Variants in MAGI1 observed in about 807,000 individuals in gnomAD.
MAGI1 encodes membrane-associated guanylate kinase, WW and PDZ domain-containing protein 1.
In MAGI1, 58 loss-of-function variants were observed where a neutral mutation model predicts 139.9. The ratio of observed to expected loss-of-function variants is 0.41; its 90% CI spans 0.34 to 0.52. The LOEUF (loss-of-function observed/expected upper bound fraction) is 0.52, where lower values mean the gene tolerates loss of function less well. Among genes scored for constraint, MAGI1 ranks in the 20% least tolerant of loss-of-function variants. The probability of loss-of-function intolerance (pLI) is 0.12; values close to 1 mark genes in which losing one functional copy is unlikely to be tolerated. For synonymous variants in MAGI1, 812 were observed against 737.9 expected (o/e 1.10, Z -1.63); for missense variants, 1,874 against 1,901.6 (o/e 0.99, Z 0.27).
intron 22 of MAGI1, 88 bp from the exon 23 acceptor site, chr3:65,357,220 A>G: frequency 1.5e-6 from 2 of 1,334,862 alleles, no homozygotes; most frequent in South Asian, 2.8e-5. Flanking sequence ...AGACCTCATT[A>G]GTCACAACAA....
intron 1 of MAGI1, among the ~76,000 whole-genome samples, chr3:65,832,089 T>C (rs1257275113): frequency 2.0e-5 from 3 of 152,210 alleles, no homozygotes; most frequent in Non-Finnish European, 4.4e-5. Flanking sequence ...CAACCAGCCC[T>C]CTTTTTCAGA....
intron 1 of MAGI1, among the ~76,000 whole-genome samples, chr3:65,777,200 C>T (rs1426038110): frequency 2.0e-5 from 3 of 152,130 alleles, no homozygotes; most frequent in Admixed American, 2.0e-4. Context: ...AGCAAACATA[C>T]AGATAATGTG....
At chr3:65,865,870 C>T (rs1207212759) in intron 1 of MAGI1, among the ~76,000 whole-genome samples, 1 of 152,122 alleles carries the variant, frequency 6.6e-6, no homozygotes, top group South Asian at 2.1e-4. Context: ...GAACTCCTGA[C>T]CTCAGGTGAT....
chr3:65,498,106 C>G (rs556489760), intron 2 of MAGI1, among the ~76,000 whole-genome samples: 2 of 152,200 alleles, frequency 1.3e-5, no homozygotes, highest in South Asian at 4.2e-4. Context: ...GAATGGCAGG[C>G]TGCTGGCTGG....
chr3:65,975,655 AAAAAT>A (rs1036061872), intron 1 of MAGI1, among the ~76,000 whole-genome samples: 18 of 152,096 alleles, frequency 1.2e-4, no homozygotes, highest in Non-Finnish European at 2.4e-4. Flanking sequence ...GATAAAAATT[AAAAAT>A]AAAATAAAAT....
chr3:65,920,924 G>A (rs1443896555), intron 1 of MAGI1, among the ~76,000 whole-genome samples: 1 of 151,938 alleles, frequency 6.6e-6, no homozygotes, highest in African/African-American at 2.4e-5. Context: ...AGCTACTCAG[G>A]AGGCTGAGGC....
intron 5 of MAGI1, among the ~76,000 whole-genome samples, chr3:65,455,557 CA>C (rs1452936287): frequency 6.6e-6 from 1 of 151,806 alleles, no homozygotes; most frequent in Admixed American, 6.6e-5. Flanking sequence ...CAAAAAAATA[CA>C]AAAAAATTAG....
chr3:65,857,027 G>C (rs1001152642), intron 1 of MAGI1, among the ~76,000 whole-genome samples: 1 of 152,240 alleles, frequency 6.6e-6, no homozygotes, highest in Non-Finnish European at 1.5e-5. Flanking sequence ...CTTGACAGGA[G>C]TTGGCCAGCT....
rs1180962724 is a variant in MAGI1, at chr3:65,778,451, A to AAAAAAAAAAAAAAG, written c.314-156364_314-156363insCTTTTTTTTTTTTT. 6.5e-4 allele frequency among the ~76,000 whole-genome samples: 40 copies of AAAAAAAAAAAAAAG among 61,408 alleles called. 5 individuals carry two copies. The East Asian group carries it at 6.6e-3, about 10-fold the overall frequency. The allele number at this position is 61,408 out of a possible 152,430, so 40.3% of individuals were successfully genotyped here. On this transcript the variant is annotated intron_variant, in intron 1 of 22. Transcript: ENST00000402939. ...GTCTCAAAAAAAAAAAAAATAAATAAATAAGTCTTTTGAGAAATGCAGGAA... is the reference window on the plus strand; with the variant it reads ...GTCTCAAAAAAAAAAAAAATAAATAAAAAAAAAAAAAAAGATAAGTCTTTTGAGAAATGCAGGAA...
intron 1 of MAGI1, among the ~76,000 whole-genome samples, chr3:65,639,347 G>A (rs140216456): frequency 1.7e-3 from 258 of 152,138 alleles, no homozygotes; most frequent in African/African-American, 5.6e-3. Context: ...AATTTTTATG[G>A]TTATTTTTTC....
At chr3:65,907,810 CAG>C (rs2061497526) in intron 1 of MAGI1, 1 of 152,226 alleles carries the variant, frequency 6.6e-6, no homozygotes, top group African/African-American at 2.4e-5. Context: ...GTTCCTGCCT[CAG>C]AGTCTTGGTG....
chr3:65,356,581 C>A lies in MAGI1; in HGVS notation c.4186G>T (p.Ala1396Ser). ...RRRGGSPERR[A>S]KSTDRRRARS... The stretch of plus-strand genomic sequence containing the variant: ...GCGCGCCTCCGGTCGGTGGACTTGG[C>A]CCTGCGCTCGGGCGAGCCCCCTCTC... Residue 1396 changes from alanine to serine, a missense_variant, in exon 23 of 23, where the codon GCC (alanine) becomes TCC (serine). Ala to Ser is a moderately conservative substitution (Grantham distance 99). Coordinates refer to ENST00000402939, the MANE Select transcript of MAGI1 (RefSeq NM_001033057.2). 6.2e-7 allele frequency: 1 copy of A among 1,604,822 alleles called. No homozygotes were observed. The highest frequency in any genetic ancestry group is 8.5e-7 in the Non-Finnish European group (1 of 1,177,856).
At chr3:66,017,827 C>A (rs1361094903) in intron 1 of MAGI1, among the ~76,000 whole-genome samples, 3 of 152,094 alleles carry the variant, frequency 2.0e-5, no homozygotes, top group Non-Finnish European at 2.9e-5. Context: ...CAGGTGAGAG[C>A]TGGAAGTCAT....
chr3:65,771,688 T>C (rs947800365), intron 1 of MAGI1, among the ~76,000 whole-genome samples: 1 of 152,186 alleles, frequency 6.6e-6, no homozygotes, highest in African/African-American at 2.4e-5. Context: ...ACAAAAAATT[T>C]TGAAACCTTT....
At chr3:65,532,587 C>A (rs1171347004) in intron 2 of MAGI1, among the ~76,000 whole-genome samples, 1 of 152,208 alleles carries the variant, frequency 6.6e-6, no homozygotes, top group African/African-American at 2.4e-5. Context: ...CTGGGTCAGA[C>A]TGGCTACAGT....
At chr3:65,926,715 C>T (rs1045796140) in intron 1 of MAGI1, among the ~76,000 whole-genome samples, 3 of 152,152 alleles carry the variant, frequency 2.0e-5, no homozygotes, top group African/African-American at 7.2e-5. Context: ...AAAATGGGGG[C>T]CGGGCGTGGT....
intron 1 of MAGI1, chr3:66,008,838 G>A (rs35760397): frequency 6.6e-6 from 1 of 152,490 alleles, no homozygotes; most frequent in Non-Finnish European, 1.5e-5. Flanking sequence ...CAGACCATGA[G>A]GGCTCTTGTA....
At chr3:65,721,234 C>T (rs2032983305) in intron 1 of MAGI1, among the ~76,000 whole-genome samples, 1 of 152,198 alleles carries the variant, frequency 6.6e-6, no homozygotes, top group Admixed American at 6.5e-5. Context: ...CACACACATA[C>T]ATATTTTGTT....
intron 2 of MAGI1, among the ~76,000 whole-genome samples, chr3:65,508,573 C>G (rs1352802258): frequency 1.3e-5 from 2 of 152,004 alleles, no homozygotes; most frequent in Non-Finnish European, 2.9e-5. Flanking sequence ...AGTGCTTTGC[C>G]TTCTAAGACA....
Sources: allele counts gnomAD v4.1 joint callset (sites outside exome capture counted in the v4.1 genomes callset), GRCh38; gene constraint gnomAD v4.1.1; transcripts MANE v1.5; gene names NCBI Gene and HGNC (gene_info 2026-07-23, HGNC 2026-07-21).